C1QTNF9: variants seen among roughly 807,000 people sequenced by gnomAD.
C1QTNF9 encodes C1q and TNF related 9.
Under a neutral mutation model 10.1 loss-of-function variants are expected in C1QTNF9, and 6 were observed. The observed-to-expected ratio is 0.59, with a 90% CI of 0.32 to 1.17. C1QTNF9 has a LOEUF of 1.17. Ranked by LOEUF, C1QTNF9 falls within the 50% of genes most tolerant of loss-of-function variation. The pLI, the probability that C1QTNF9 is intolerant of heterozygous loss-of-function variation, is 0.04. For missense variants in C1QTNF9, 201 were observed against 418.8 expected (o/e 0.48, Z 4.54); for synonymous variants, 98 against 163.5 (o/e 0.60, Z 3.06).
chr13:24,322,099 G>A (rs9507304), exon 4 of C1QTNF9: 18,756 of 238,990 alleles, frequency 0.078, 611 homozygotes, highest in African/African-American at 0.12. Context: ...TCCCTCATCT[G>A]TGTTTCTGAG....
intron 3 of C1QTNF9, among the ~76,000 whole-genome samples, chr13:24,320,289 C>A (rs1878201681): frequency 6.6e-6 from 1 of 152,086 alleles, no homozygotes; most frequent in African/African-American, 2.4e-5. Flanking sequence ...TAACGTGAGC[C>A]CTGACACTAA....
intron 1 of C1QTNF9, among the ~76,000 whole-genome samples, chr13:24,312,011 G>A (rs1877841837): frequency 6.6e-6 from 1 of 152,176 alleles, no homozygotes; most frequent in Admixed American, 6.5e-5. Context: ...AGGGAGGCTA[G>A]GGAGTGCAGT....
intron 1 of C1QTNF9, among the ~76,000 whole-genome samples, chr13:24,309,934 C>T (rs1039328094): frequency 1.1e-4 from 17 of 152,076 alleles, no homozygotes; most frequent in Admixed American, 3.9e-4. Flanking sequence ...CTTGCTCTGT[C>T]GCCCAGGCTG....
At chr13:24,317,619 G>A (rs1379048468) in intron 2 of C1QTNF9, among the ~76,000 whole-genome samples, 3 of 148,110 alleles carry the variant, frequency 2.0e-5, no homozygotes, top group Non-Finnish European at 3.0e-5. Context: ...ATCTTAAAGT[G>A]TATTTTTGTA....
At chr13:24,308,663 G>A (rs1467889123), upstream of C1QTNF9, among the ~76,000 whole-genome samples, 1 of 151,016 alleles carries the variant, frequency 6.6e-6, no homozygotes, top group African/African-American at 2.4e-5. Context: ...CTGTGCGTGG[G>A]CTCCTGCTCT....
exon 4 of C1QTNF9, chr13:24,321,872 T>TTATTA: frequency 7.2e-7 from 1 of 1,393,596 alleles, no homozygotes; most frequent in African/African-American, 1.5e-5. Context: ...ATTACAATAA[T>TTATTA]CATAAAAAGG....
chr13:24,307,940 C>T (rs1335353904), upstream of C1QTNF9, among the ~76,000 whole-genome samples: 1 of 152,230 alleles, frequency 6.6e-6, no homozygotes, highest in Non-Finnish European at 1.5e-5. Flanking sequence ...AAGCAGGAGG[C>T]CAGGATCCTG....
chr13:24,312,680 T>G (rs1877874305), intron 1 of C1QTNF9, among the ~76,000 whole-genome samples: 1 of 152,056 alleles, frequency 6.6e-6, no homozygotes, highest in Admixed American at 6.5e-5. Flanking sequence ...CAAGCGGCCG[T>G]GTGCAGTGAC....
exon 4 of C1QTNF9, chr13:24,321,647 A>G (rs1264108740): frequency 1.2e-6 from 2 of 1,614,230 alleles, no homozygotes; most frequent in Middle Eastern, 1.6e-4. Context: ...ATTGTCCTGC[A>G]GCTGAAGCTC....
At chr13:24,319,960 G>A (rs1490650953) in intron 3 of C1QTNF9, among the ~76,000 whole-genome samples, 2 of 152,186 alleles carry the variant, frequency 1.3e-5, no homozygotes, top group Admixed American at 1.3e-4. Flanking sequence ...ATGGAAACCT[G>A]GCATTTAACC....
At chr13:24,318,178 C>T (rs1027788252) in intron 2 of C1QTNF9, among the ~76,000 whole-genome samples, 3 of 152,138 alleles carry the variant, frequency 2.0e-5, no homozygotes, top group Non-Finnish European at 2.9e-5. Context: ...TGACGGATAG[C>T]ACGCCGACCT....
rs1878283912 is a variant in C1QTNF9 at position 24,321,740 on chromosome 13, CA to C, written c.975del (p.Phe327SerfsTer35). Reference sequence around the variant, plus strand: ...GATGAGGACGATGACACAACTTTCACAGGGTTCCTTCTGTTCAGCAGCCCGT... The same window carrying C: ...GATGAGGACGATGACACAACTTTCACGGGTTCCTTCTGTTCAGCAGCCCGT... On this transcript the variant is annotated frameshift_variant, in exon 4 of 4. Coordinates refer to ENST00000332018, the Ensembl canonical transcript of C1QTNF9. LOFTEE classifies it high-confidence loss of function. 3.8e-6 allele frequency: 6 copies of C among 1,593,186 alleles called. No homozygotes were observed. Among genetic ancestry groups the C allele is most frequent in the Non-Finnish European group, 4.3e-6 (5 of 1,167,536 alleles).
chr13:24,313,503 A>C (rs969996286), intron 1 of C1QTNF9, among the ~76,000 whole-genome samples: 4 of 152,240 alleles, frequency 2.6e-5, no homozygotes, highest in African/African-American at 9.6e-5. Flanking sequence ...TGAGTTTAGC[A>C]AAGGAGGCTC....
chr13:24,312,682 T>C (rs531417733), intron 1 of C1QTNF9, among the ~76,000 whole-genome samples: 5 of 152,194 alleles, frequency 3.3e-5, no homozygotes, highest in South Asian at 4.2e-4. Context: ...AGCGGCCGTG[T>C]GCAGTGACTC....
upstream of C1QTNF9, among the ~76,000 whole-genome samples, chr13:24,308,932 C>G (rs918511503): frequency 9.2e-5 from 14 of 152,282 alleles, no homozygotes; most frequent in Middle Eastern, 3.4e-3. Flanking sequence ...CCGCGTTCTC[C>G]GTGGTAGGTG....
chr13:24,313,888 C>T (rs1001581033), intron 1 of C1QTNF9, among the ~76,000 whole-genome samples: 11 of 152,206 alleles, frequency 7.2e-5, no homozygotes, highest in Admixed American at 7.2e-4. Flanking sequence ...TTTTAGTCTA[C>T]TATCAAAATT....
chr13:24,314,908 T>C (rs958877728), intron 1 of C1QTNF9, among the ~76,000 whole-genome samples: 3 of 132,680 alleles, frequency 2.3e-5, no homozygotes, highest in Non-Finnish European at 5.1e-5. Context: ...TGTTTCCGTG[T>C]GTGTGGCCCT....
chr13:24,308,768 G>A (rs1384579642), upstream of C1QTNF9, among the ~76,000 whole-genome samples: 2 of 152,130 alleles, frequency 1.3e-5, no homozygotes, highest in Non-Finnish European at 2.9e-5. Flanking sequence ...TGCTCTGTGC[G>A]TGGCCTCTGC....
intron 1 of C1QTNF9, among the ~76,000 whole-genome samples, chr13:24,312,783 C>T (rs571396767): frequency 2.6e-5 from 4 of 151,508 alleles, no homozygotes; most frequent in East Asian, 1.9e-4. Context: ...GGTGAAACCC[C>T]GTCTCTACTA....
Sources: gnomAD v4.1 joint callset for allele counts (sites outside exome capture counted in the v4.1 genomes callset) on GRCh38, gnomAD v4.1.1 for gene constraint, MANE v1.5 for transcripts, NCBI Gene and HGNC (gene_info 2026-07-23, HGNC 2026-07-21) for gene names.